Variants in INKA1 observed in about 807,000 individuals in gnomAD.
INKA1 encodes the protein inka box actin regulator 1.
A neutral mutation model predicts 21.3 loss-of-function variants in INKA1; 14 were observed. The observed-to-expected ratio is 0.66, with a 90% CI of 0.43 to 1.03. The LOEUF is 1.03. Ranked by LOEUF, INKA1 falls within the 50% of genes least tolerant of loss-of-function variation. The pLI is 0.00. For missense variants in INKA1, 353 were observed against 379.0 expected (o/e 0.93, Z 0.57); for synonymous variants, 133 against 143.3 (o/e 0.93, Z 0.51).
rs374576699 is a variant in INKA1 at position 49,804,778 on chromosome 3, C to G, written c.649C>G (p.Arg217Gly). The G allele has an allele frequency of 5.6e-6, 9 of 1,613,322 alleles. No individual in the cohort carries two copies. The East Asian group carries it at 2.0e-4, about 36-fold the overall frequency. ...EGGDGGGHRA[R>G]ARPPQFLLGL... The stretch of plus-strand genomic sequence containing the variant: ...GGGTGACGGAGGTGGGCACCGTGCC[C>G]GTGCTCGGCCCCCTCAGTTCCTGCT... The change falls in exon 2 of 2, where the codon CGT becomes GGT. Residue 217 changes from arginine (R) to glycine (G), a missense_variant. Transcript: ENST00000333323. The surrounding 1 kb of genome is among the most constrained non-coding windows in gnomAD (Gnocchi z 6.7).
Position 49,803,547 on chromosome 3 carries a change from T to C in INKA1, c.51+104T>C, listed in dbSNP as rs1194288260. The C allele has an allele frequency of 8.1e-7, 1 of 1,227,572 alleles. No homozygotes were observed. The highest frequency in any genetic ancestry group is 1.6e-5 in the African/African-American group (1 of 62,680). 76.0% of individuals were successfully genotyped at this position (1,227,572 alleles called of 1,614,324 possible). Reference sequence around the variant, plus strand: ...GTGCGGGGTGGCTCCAGCGTGCCGGTCCGAGGCGGGGTGGGGGCGGCGTGG... The same window carrying C: ...GTGCGGGGTGGCTCCAGCGTGCCGGCCCGAGGCGGGGTGGGGGCGGCGTGG... On this transcript the variant is annotated intron_variant, in intron 1 of 1. Transcript: ENST00000333323. This position sits in a 1 kb window ranked among gnomAD's most constrained non-coding sequence, Gnocchi z 4.8.
rs749289018 is a variant in INKA1, at chr3:49,804,908, C to G, written c.779C>G (p.Ala260Gly). 1 of 1,613,062 alleles carries G rather than the reference C, an allele frequency of 6.2e-7. No individual in the cohort carries two copies. The highest frequency in any genetic ancestry group is 8.5e-7 in the Non-Finnish European group (1 of 1,180,008). Residue 260 changes from alanine (A) to glycine (G), a missense_variant, in exon 2 of 2, where the codon GCG becomes GGG. Coordinates refer to ENST00000333323, the MANE Select transcript of INKA1 (RefSeq NM_203370.2). This position sits in a 1 kb window ranked among gnomAD's most constrained non-coding sequence, Gnocchi z 6.7. Reference sequence around the variant, plus strand: ...CCTCGCCCAGAACCTGAACTGCCTGCGGATGTCTCACGCTTTGCAGCTCTC... The same window carrying G: ...CCTCGCCCAGAACCTGAACTGCCTGGGGATGTCTCACGCTTTGCAGCTCTC... ...CPPRPEPELP[A>G]DVSRFAALMS...
rs2081410845 is a variant in INKA1 at position 49,804,328 on chromosome 3, G to A, written c.199G>A (p.Glu67Lys). The change falls in exon 2 of 2, where the codon GAG becomes AAG. Residue 67 changes from glutamate to lysine, a missense_variant. Transcript: ENST00000333323. The surrounding 1 kb of genome is among the most constrained non-coding windows in gnomAD (Gnocchi z 6.7). ...DSVCCVEEEE[E>K]EEEEAVVTED... is the part of the protein sequence containing the mutation. ...AGTCTGCTGTGTGGAGGAGGAGGAA[G>A]AGGAGGAGGAGGAAGCAGTGGTGAC... 6.2e-7 allele frequency: 1 copy of A among 1,612,162 alleles called. No individual in the cohort carries two copies. The highest frequency in any genetic ancestry group is 1.3e-5 in the African/African-American group (1 of 74,984).
In INKA1 at chr3:49,803,370, T is replaced by A. The variant is rs1449729125; in HGVS notation, c.-23T>A. ...GGGGTTCCAAGAGGAGCTAGTAGGT[T>A]CGGTGGGGGCCCTGGCATGGACATG... On this transcript the variant is annotated 5_prime_UTR_variant, in exon 1 of 2. Coordinates refer to ENST00000333323, the MANE Select transcript of INKA1 (RefSeq NM_203370.2). The surrounding 1 kb of genome is among the most constrained non-coding windows in gnomAD (Gnocchi z 4.8). 6.6e-7 allele frequency: 1 copy of A among 1,511,900 alleles called. No individual in the cohort carries two copies. The highest frequency in any genetic ancestry group is 8.8e-7 in the Non-Finnish European group (1 of 1,133,722). The allele number at this position is 1,511,900 out of a possible 1,614,324, so 93.7% of individuals were successfully genotyped here.
In INKA1 at chr3:49,804,076, C is replaced by A; in HGVS notation, c.52-105C>A. ...CTGCCCTGTGCTCACTAACACCCTG[C>A]TGCCCAGGCCAGCAGGCCTATCTAA... is the stretch of plus-strand genomic sequence containing the variant. On this transcript the variant is annotated intron_variant, in intron 1 of 1. Transcript: ENST00000333323. The surrounding 1 kb of genome is among the most constrained non-coding windows in gnomAD (Gnocchi z 6.7). The A allele has an allele frequency of 1.0e-6, 1 of 958,556 alleles. No individual in the cohort carries two copies. The highest frequency in any genetic ancestry group is 1.6e-6 in the Non-Finnish European group (1 of 635,476). 59.4% of individuals were successfully genotyped at this position (958,556 alleles called of 1,614,324 possible).
At position 49,804,471 on chromosome 3, in the gene INKA1, C is replaced by T. The variant is rs1380312160; in HGVS notation, c.342C>T (p.Arg114=). The change falls in exon 2 of 2, where the codon CGC becomes CGT. Residue 114 remains arginine, a synonymous_variant. Coordinates refer to ENST00000333323, the MANE Select transcript of INKA1 (RefSeq NM_203370.2). The surrounding 1 kb of genome is among the most constrained non-coding windows in gnomAD (Gnocchi z 6.7). ...WREEELPVSQ[R]PAPSAQPLRR... ...AGGAAGAACTGCCTGTATCCCAGCG[C>T]CCAGCACCCTCAGCACAGCCCCTTC... 5 of 1,613,454 alleles carry T rather than the reference C, an allele frequency of 3.1e-6. No homozygotes were observed. The highest frequency in any genetic ancestry group is 3.3e-5 in the Admixed American group (2 of 60,000).
rs1178550142 is a variant in INKA1, at chr3:49,804,750, A to G, written c.621A>G (p.Glu207=). The change falls in exon 2 of 2, where the codon GAA becomes GAG. Residue 207 remains glutamate (E), a synonymous_variant. Transcript: ENST00000333323. This position sits in a 1 kb window ranked among gnomAD's most constrained non-coding sequence, Gnocchi z 6.7. ...TGGAGCTGCCTGAGACAGGGAGTGA[A>G]GGGGGTGACGGAGGTGGGCACCGTG... ...NWMELPETGS[E]GGDGGGHRAR... is the part of the protein sequence containing the mutation. 6.2e-7 allele frequency: 1 copy of G among 1,613,286 alleles called. No individual in the cohort carries two copies.
chr3:49,804,767 G>A lies in INKA1; in HGVS notation c.638G>A (p.Gly213Glu), dbSNP rs997728163. ...GGGAGTGAAGGGGGTGACGGAGGTG[G>A]GCACCGTGCCCGTGCTCGGCCCCCT... ...ETGSEGGDGG[G>E]HRARARPPQF... Residue 213 changes from glycine to glutamate, a missense_variant, in exon 2 of 2, where the codon GGG becomes GAG. By Grantham distance (98) the Gly-to-Glu change is moderately conservative. Coordinates refer to ENST00000333323, the MANE Select transcript of INKA1 (RefSeq NM_203370.2). This position sits in a 1 kb window ranked among gnomAD's most constrained non-coding sequence, Gnocchi z 6.7. The A allele has an allele frequency of 1.9e-6, 3 of 1,613,288 alleles. No individual in the cohort carries two copies. In the Admixed American group the frequency reaches 5.0e-5, roughly 27 times the overall value.
chr3:49,804,843 T>G lies in INKA1; in HGVS notation c.714T>G (p.Ala238=). ...SEQLRRRLAR[A]RRTAMAGKRL... is the part of the protein sequence containing the mutation. ...AGCTTCGGCGCCGGCTGGCCAGGGC[T>G]CGGCGGACAGCTATGGCAGGAAAGC... The change falls in exon 2 of 2, where the codon GCT becomes GCG. Residue 238 remains alanine, a synonymous_variant. Transcript: ENST00000333323. This position sits in a 1 kb window ranked among gnomAD's most constrained non-coding sequence, Gnocchi z 6.7. 1.2e-6 allele frequency: 2 copies of G among 1,612,318 alleles called. No individual in the cohort carries two copies. The highest frequency in any genetic ancestry group is 1.7e-6 in the Non-Finnish European group (2 of 1,179,896).
chr3:49,804,744 G>A lies in INKA1; in HGVS notation c.615G>A (p.Gly205=). The A allele has an allele frequency of 6.2e-7, 1 of 1,613,328 alleles. No homozygotes were observed. Among genetic ancestry groups the A allele is most frequent in the Non-Finnish European group, 8.5e-7 (1 of 1,180,036 alleles). The part of the protein sequence containing the change: ...VHNWMELPET[G]SEGGDGGGHR... The stretch of plus-strand genomic sequence containing the variant: ...ACTGGATGGAGCTGCCTGAGACAGG[G>A]AGTGAAGGGGGTGACGGAGGTGGGC... Residue 205 remains glycine, a synonymous_variant, in exon 2 of 2, where the codon GGG becomes GGA. Transcript: ENST00000333323. This position sits in a 1 kb window ranked among gnomAD's most constrained non-coding sequence, Gnocchi z 6.7.
Position 49,804,769 on chromosome 3 carries a change from C to T in INKA1, c.640C>T (p.His214Tyr). The T allele has an allele frequency of 2.5e-6, 4 of 1,613,300 alleles. No individual in the cohort carries two copies. Among genetic ancestry groups the T allele is most frequent in the Non-Finnish European group, 3.4e-6 (4 of 1,180,038 alleles). Reference sequence around the variant, plus strand: ...GAGTGAAGGGGGTGACGGAGGTGGGCACCGTGCCCGTGCTCGGCCCCCTCA... The same window carrying T: ...GAGTGAAGGGGGTGACGGAGGTGGGTACCGTGCCCGTGCTCGGCCCCCTCA... Reference protein sequence around the residue: ...TGSEGGDGGGHRARARPPQFL... With the variant: ...TGSEGGDGGGYRARARPPQFL... Residue 214 changes from histidine to tyrosine, a missense_variant, in exon 2 of 2, where the codon CAC becomes TAC. By Grantham distance (83) the His-to-Tyr change is moderately conservative. Coordinates refer to ENST00000333323, the MANE Select transcript of INKA1 (RefSeq NM_203370.2). The surrounding 1 kb of genome is among the most constrained non-coding windows in gnomAD (Gnocchi z 6.7).
Position 49,804,249 on chromosome 3 carries a change from A to G in INKA1, c.120A>G (p.Pro40=), listed in dbSNP as rs2081409584. 6.2e-7 allele frequency: 1 copy of G among 1,612,048 alleles called. No homozygotes were observed. The highest frequency in any genetic ancestry group is 8.5e-7 in the Non-Finnish European group (1 of 1,178,894). ...GPLQPTSQTG[P]DVQPSHQLRA... The stretch of plus-strand genomic sequence containing the variant: ...TGCAGCCAACCTCCCAAACTGGCCC[A>G]GATGTGCAGCCCAGCCACCAGCTTA... The change falls in exon 2 of 2, where the codon CCA becomes CCG. Residue 40 remains proline, a synonymous_variant. Transcript: ENST00000333323. This position sits in a 1 kb window ranked among gnomAD's most constrained non-coding sequence, Gnocchi z 6.7.
rs753849144 is a variant in INKA1 at position 49,804,403 on chromosome 3, T to A, written c.274T>A (p.Trp92Arg). ...LGGPREHALD[W>R]DSGFSEVSGS... is the part of the protein sequence containing the mutation. ...AGGCCCCAGGGAGCATGCCCTGGACTGGGACTCTGGCTTCTCGGAGGTGTC... is the reference window on the plus strand; with the variant it reads ...AGGCCCCAGGGAGCATGCCCTGGACAGGGACTCTGGCTTCTCGGAGGTGTC... The change falls in exon 2 of 2, where the codon TGG becomes AGG. Residue 92 changes from tryptophan (W) to arginine (R), a missense_variant. Transcript: ENST00000333323. The surrounding 1 kb of genome is among the most constrained non-coding windows in gnomAD (Gnocchi z 6.7). 1 of 1,613,168 alleles carries A rather than the reference T, an allele frequency of 6.2e-7. No individual in the cohort carries two copies. The highest frequency in any genetic ancestry group is 8.5e-7 in the Non-Finnish European group (1 of 1,179,872).
rs1279594820 is a variant in INKA1 at position 49,804,571 on chromosome 3, C to A, written c.442C>A (p.His148Asn). The change falls in exon 2 of 2, where the codon CAT becomes AAT. Residue 148 changes from histidine to asparagine, a missense_variant. By Grantham distance (68) the His-to-Asn change is moderately conservative (BLOSUM62 1). Coordinates refer to ENST00000333323, the MANE Select transcript of INKA1 (RefSeq NM_203370.2). The surrounding 1 kb of genome is among the most constrained non-coding windows in gnomAD (Gnocchi z 6.7). ...APVASVPPVH[H>N]PRPKSTPDAC... ...TGTAGCCAGTGTACCACCTGTCCAC[C>A]ATCCACGGCCCAAGTCCACCCCAGA... 3.8e-5 allele frequency: 62 copies of A among 1,613,340 alleles called. No homozygotes were observed. Among genetic ancestry groups the A allele is most frequent in the Non-Finnish European group, 5.2e-5 (61 of 1,180,028 alleles).
In INKA1 at chr3:49,804,806, G is replaced by A. The variant is rs1438630331; in HGVS notation, c.677G>A (p.Gly226Asp). The A allele has an allele frequency of 6.2e-7, 1 of 1,613,324 alleles. No homozygotes were observed. Among genetic ancestry groups the A allele is most frequent in the East Asian group, 2.2e-5 (1 of 44,882 alleles). The change falls in exon 2 of 2, where the codon GGC becomes GAC. Residue 226 changes from glycine (G) to aspartate (D), a missense_variant. Transcript: ENST00000333323. This position sits in a 1 kb window ranked among gnomAD's most constrained non-coding sequence, Gnocchi z 6.7. Reference sequence around the variant, plus strand: ...GCTCGGCCCCCTCAGTTCCTGCTTGGCCTCTCTGAGCAGCTTCGGCGCCGG... The same window carrying A: ...GCTCGGCCCCCTCAGTTCCTGCTTGACCTCTCTGAGCAGCTTCGGCGCCGG... ...ARARPPQFLL[G>D]LSEQLRRRLA...
In INKA1 at chr3:49,803,283, G is replaced by A. The variant is rs888443817; in HGVS notation, c.-110G>A. 2.3e-5 allele frequency: 25 copies of A among 1,064,834 alleles called. No individual in the cohort carries two copies. The highest frequency in any genetic ancestry group is 3.2e-5 in the Non-Finnish European group (25 of 786,166). The allele number at this position is 1,064,834 out of a possible 1,614,324, so 66.0% of individuals were successfully genotyped here. A position where few individuals can be genotyped will look rare whatever the true frequency, so the allele number is the denominator to read the frequency against. ...GCTACGGAGAGCGAGGAGTCGCGCA[G>A]GCAGGCGGAGGCTGAGGGCGCCGCT... On this transcript the variant is annotated 5_prime_UTR_variant, in exon 1 of 2. Coordinates refer to ENST00000333323, the MANE Select transcript of INKA1 (RefSeq NM_203370.2). This position sits in a 1 kb window ranked among gnomAD's most constrained non-coding sequence, Gnocchi z 4.8.
Position 49,804,527 on chromosome 3 carries a change from C to T in INKA1, c.398C>T (p.Pro133Leu). ...CAGTGCCTCTCAGTCAGTGGCCTCCCCATGCCCAGCAGGGCCCCTGTAGCC... is the reference window on the plus strand; with the variant it reads ...CAGTGCCTCTCAGTCAGTGGCCTCCTCATGCCCAGCAGGGCCCCTGTAGCC... ...RRQCLSVSGLPMPSRAPVASV... is the reference protein window; with the variant it reads ...RRQCLSVSGLLMPSRAPVASV... Residue 133 changes from proline to leucine, a missense_variant, in exon 2 of 2, where the codon CCC (proline) becomes CTC (leucine). Physicochemically the swap from Pro to Leu is moderately conservative, Grantham distance 98. Transcript: ENST00000333323. The surrounding 1 kb of genome is among the most constrained non-coding windows in gnomAD (Gnocchi z 6.7). 6.2e-7 allele frequency: 1 copy of T among 1,613,474 alleles called. No individual in the cohort carries two copies.
rs2081398868 is a variant in INKA1, at chr3:49,803,559, T to TG, written c.51+121dup. 8.3e-6 allele frequency: 9 copies of TG among 1,079,994 alleles called. No individual in the cohort carries two copies. Among genetic ancestry groups the TG allele is most frequent in the Non-Finnish European group, 1.2e-5 (9 of 754,286 alleles). The allele number at this position is 1,079,994 out of a possible 1,614,324, so 66.9% of individuals were successfully genotyped here. On this transcript the variant is annotated intron_variant, in intron 1 of 1. Coordinates refer to ENST00000333323, the MANE Select transcript of INKA1 (RefSeq NM_203370.2). This position sits in a 1 kb window ranked among gnomAD's most constrained non-coding sequence, Gnocchi z 4.8. ...TCCAGCGTGCCGGTCCGAGGCGGGG[T>TG]GGGGGCGGCGTGGCGCATATGGCTC... is the stretch of plus-strand genomic sequence containing the variant.
Position 49,803,970 on chromosome 3 carries a change from C to A in INKA1, c.52-211C>A, listed in dbSNP as rs866799969. ...GGTGGCGGGTGCCGACTTGCCCGGC[C>A]CTGCATGCTGCAGCCTGCCAGACTG... On this transcript the variant is annotated intron_variant, in intron 1 of 1. Coordinates refer to ENST00000333323, the MANE Select transcript of INKA1 (RefSeq NM_203370.2). This position sits in a 1 kb window ranked among gnomAD's most constrained non-coding sequence, Gnocchi z 4.8. 6.6e-6 allele frequency among the ~76,000 whole-genome samples: 1 copy of A among 152,156 alleles called. No individual in the cohort carries two copies. Among genetic ancestry groups the A allele is most frequent in the South Asian group, 2.1e-4 (1 of 4,832 alleles).
Sources: gnomAD v4.1 joint callset for allele counts (sites outside exome capture counted in the v4.1 genomes callset) on GRCh38, gnomAD v4.1.1 for gene constraint, Gnocchi (gnomAD v3.1) non-coding constraint, MANE v1.5 for transcripts, NCBI Gene and HGNC (gene_info 2026-07-23, HGNC 2026-07-21) for gene names.